TIMD4: variants seen among roughly 807,000 people sequenced by gnomAD.
The protein encoded by TIMD4 is T cell immunoglobulin and mucin domain containing 4, also known as T-cell immunoglobulin and mucin domain-containing protein 4.
In TIMD4, 31 loss-of-function variants were observed where a neutral mutation model predicts 41.2. The observed-to-expected ratio is 0.75, with a 90% CI of 0.57 to 1.01. The LOEUF (loss-of-function observed/expected upper bound fraction) is 1.01, where lower values mean the gene tolerates loss of function less well. Ranked by LOEUF, TIMD4 falls within the 50% of genes least tolerant of loss-of-function variation. The pLI is 0.00. For missense variants in TIMD4, 479 were observed against 472.5 expected (o/e 1.01, Z -0.13); for synonymous variants, 204 against 177.1 (o/e 1.15, Z -1.21).
chr5:156,957,127 T>G (rs1408061052), intron 1 of TIMD4, among the ~76,000 whole-genome samples: 2 of 152,092 alleles, frequency 1.3e-5, no homozygotes, highest in African/African-American at 4.8e-5. Context: ...GTTGTTCTTA[T>G]GATAAAAGAT....
At chr5:156,919,854 G>T (rs1286237766) in intron 8 of TIMD4, among the ~76,000 whole-genome samples, 1 of 152,132 alleles carries the variant, frequency 6.6e-6, no homozygotes, top group African/African-American at 2.4e-5. Flanking sequence ...TTTCCTTCTT[G>T]CTAATACATA....
At chr5:156,938,074 G>A (rs1007217053) in intron 5 of TIMD4, among the ~76,000 whole-genome samples, 22 of 152,112 alleles carry the variant, frequency 1.4e-4, no homozygotes, top group Admixed American at 1.2e-3. Flanking sequence ...CTTGATCAGC[G>A]AAAGGCTCAG....
chr5:156,945,425 C>T (rs1759722033), intron 5 of TIMD4, among the ~76,000 whole-genome samples: 1 of 152,206 alleles, frequency 6.6e-6, no homozygotes, highest in South Asian at 2.1e-4. Flanking sequence ...GTCTCTGACC[C>T]TCCATTTCTT....
At chr5:156,942,266 C>T (rs1759663410) in intron 5 of TIMD4, among the ~76,000 whole-genome samples, 2 of 152,200 alleles carry the variant, frequency 1.3e-5, no homozygotes, top group African/African-American at 4.8e-5. Flanking sequence ...AACCTGCCTT[C>T]AAGAAAGCTC....
rs371056839 is a variant in TIMD4 at position 156,940,986 on chromosome 5, C to T, written c.844+7430G>A. On this transcript the variant is annotated intron_variant, in intron 5 of 8. Coordinates refer to ENST00000274532, the MANE Select transcript of TIMD4 (RefSeq NM_138379.3). ...TCTTTACTAAGAAAAATTCTTCTGC[C>T]TTGGGATGCTGTTAATCTATAACCT... 2.6e-4 allele frequency among the ~76,000 whole-genome samples: 39 copies of T among 152,346 alleles called. No homozygotes were observed. The South Asian group carries it at 7.9e-3, about 31-fold the overall frequency.
intron 6 of TIMD4, chr5:156,924,483 G>T: frequency 6.2e-6 from 3 of 485,226 alleles, no homozygotes; most frequent in Non-Finnish European, 1.2e-5. Context: ...TGCTGGCCTT[G>T]TTGGACTTGT....
At chr5:156,944,803 C>T (rs1759710552) in intron 5 of TIMD4, among the ~76,000 whole-genome samples, 1 of 152,142 alleles carries the variant, frequency 6.6e-6, no homozygotes, top group Non-Finnish European at 1.5e-5. Context: ...CTGTGCCTGG[C>T]CTCCCAAAGT....
At chr5:156,924,124 C>T in intron 6 of TIMD4, 1 of 305,938 alleles carries the variant, frequency 3.3e-6, no homozygotes, top group Non-Finnish European at 6.2e-6. Flanking sequence ...GTAACATGTT[C>T]AAGGTGGTTT....
At chr5:156,930,576 C>T (rs1049884445) in intron 5 of TIMD4, among the ~76,000 whole-genome samples, 2 of 152,156 alleles carry the variant, frequency 1.3e-5, no homozygotes, top group Non-Finnish European at 2.9e-5. Context: ...AAAGAGGGCT[C>T]GGTACTCACC....
At chr5:156,928,246 C>A (rs115687213) in intron 5 of TIMD4, among the ~76,000 whole-genome samples, 4,148 of 151,712 alleles carry the variant, frequency 0.027, 139 homozygotes, top group African/African-American at 0.081. Context: ...TGCAGTGAGC[C>A]GAGATTGCCC....
In TIMD4 at chr5:156,951,739, G is replaced by GT; in HGVS notation, c.451dup (p.Thr151AsnfsTer69). The GT allele has an allele frequency of 6.2e-7, 1 of 1,614,146 alleles. No homozygotes were observed. Among genetic ancestry groups the GT allele is most frequent in the Non-Finnish European group, 8.5e-7 (1 of 1,180,024 alleles). ...TTGTCGGGTGGTGGTGGGGCTTGTT[G>GT]TTGTTGTTCTGCGTGTGGTGGTGGT... On this transcript the variant is annotated frameshift_variant, in exon 3 of 9. Transcript: ENST00000274532. LOFTEE classifies it high-confidence loss of function.
chr5:156,928,391 G>T lies in TIMD4; in HGVS notation c.845-2079C>A, dbSNP rs112041463. Among the ~76,000 whole-genome samples the T allele has an allele frequency of 7.4e-3, 1,126 of 152,144 alleles. 12 individuals are homozygous for T. The highest frequency in any genetic ancestry group is 0.025 in the African/African-American group (1,033 of 41,492). ...CAGCATTAAACAGTAGGCAGAGGAG[G>T]TGGAGGAGAGAAAAAAAAAGAGAAG... On this transcript the variant is annotated intron_variant, in intron 5 of 8. Coordinates refer to ENST00000274532, the MANE Select transcript of TIMD4 (RefSeq NM_138379.3).
chr5:156,923,046 A>G (rs1351702483), intron 6 of TIMD4, among the ~76,000 whole-genome samples: 1 of 152,128 alleles, frequency 6.6e-6, no homozygotes, highest in Non-Finnish European at 1.5e-5. Flanking sequence ...AACCTAAAAG[A>G]AAAGTTTAAA....
chr5:156,921,616 C>CAAAAAA (rs66842169), intron 7 of TIMD4, among the ~76,000 whole-genome samples: 187 of 47,060 alleles, frequency 4.0e-3, no homozygotes, highest in Non-Finnish European at 5.5e-3. Context: ...GAGACTCTCT[C>CAAAAAA]AAAAAAAAAA....
intron 6 of TIMD4, among the ~76,000 whole-genome samples, chr5:156,923,470 A>C (rs932742468): frequency 1.3e-5 from 2 of 152,000 alleles, no homozygotes; most frequent in African/African-American, 4.8e-5. Context: ...TTTAATTGTA[A>C]AAATGTCTCA....
chr5:156,923,732 G>T (rs1171690586), intron 6 of TIMD4, among the ~76,000 whole-genome samples: 1 of 150,530 alleles, frequency 6.6e-6, no homozygotes, highest in African/African-American at 2.5e-5. Context: ...TTTGTGTAGA[G>T]ACAGAGTCTC....
chr5:156,939,724 A>G (rs1369312522), intron 5 of TIMD4, among the ~76,000 whole-genome samples: 2 of 152,166 alleles, frequency 1.3e-5, no homozygotes, highest in Non-Finnish European at 2.9e-5. Flanking sequence ...TTCATTCTCC[A>G]TTTAGGCCAC....
At chr5:156,924,563 C>A (rs144148585) in intron 6 of TIMD4, 1 of 316,310 alleles carries the variant, frequency 3.2e-6, no homozygotes, top group Admixed American at 4.0e-5. Context: ...CAGCCTCTAT[C>A]CATTATCCAC....
chr5:156,932,035 G>A (rs1222244274), intron 5 of TIMD4, among the ~76,000 whole-genome samples: 1 of 152,068 alleles, frequency 6.6e-6, no homozygotes, highest in Non-Finnish European at 1.5e-5. Flanking sequence ...TAGGGAATGA[G>A]TATGCAAATA....
Sources: gnomAD v4.1 joint callset for allele counts (sites outside exome capture counted in the v4.1 genomes callset) on GRCh38, gnomAD v4.1.1 for gene constraint, MANE v1.5 for transcripts, NCBI Gene and HGNC (gene_info 2026-07-23, HGNC 2026-07-21) for gene names.